The following DPP6 variants were observed in gnomAD, a reference collection of about 807,000 sequenced individuals.
DPP6 encodes A-type potassium channel modulatory protein DPP6.
In DPP6, 69 loss-of-function variants were observed where a neutral mutation model predicts 122.6. The observed-to-expected ratio is 0.56, with a 90% CI of 0.46 to 0.69. DPP6 has a LOEUF of 0.69. DPP6 is among the 30% of genes least tolerant of loss of function. The pLI, the probability that DPP6 is intolerant of heterozygous loss-of-function variation, is 0.00. For synonymous variants in DPP6, 418 were observed against 433.1 expected (o/e 0.97, Z 0.43); for missense variants, 928 against 1,116.9 (o/e 0.83, Z 2.41).
intron 1 of DPP6, among the ~76,000 whole-genome samples, chr7:154,061,488 G>T (rs1458429104): frequency 2.0e-5 from 3 of 147,184 alleles, no homozygotes; most frequent in Admixed American, 6.7e-5. Context: ...GGCCTTGGCA[G>T]CAACTGCCCT....
the DPP6 span, among the ~76,000 whole-genome samples, chr7:153,773,043 T>TA: frequency 6.9e-6 from 1 of 145,134 alleles, no homozygotes; most frequent in Non-Finnish European, 1.5e-5. Context: ...AAGTCTTTGA[T>TA]ATTAATATAA....
chr7:154,750,440 G>C lies in DPP6; in HGVS notation c.884-18977G>C, dbSNP rs541257982. On this transcript the variant is annotated intron_variant, in intron 8 of 25. Transcript: ENST00000377770. Reference sequence around the variant, plus strand: ...GTGTGGAGGTTCCCAGCGGCGGGTAGTGCGGAAAACAGGGAAGGCAGGAAA... The same window carrying C: ...GTGTGGAGGTTCCCAGCGGCGGGTACTGCGGAAAACAGGGAAGGCAGGAAA... Among the ~76,000 whole-genome samples, 273 of 152,360 alleles carry C rather than the reference G, an allele frequency of 1.8e-3. 2 individuals are homozygous for C. Among genetic ancestry groups the C allele is most frequent in the African/African-American group, 6.5e-3 (269 of 41,586 alleles).
intron 1 of DPP6, among the ~76,000 whole-genome samples, chr7:154,289,257 C>A (rs1210737888): frequency 6.6e-6 from 1 of 152,174 alleles, no homozygotes; most frequent in African/African-American, 2.4e-5. Flanking sequence ...GATAAGTCAT[C>A]CGGACCCTGG....
At chr7:154,882,589 G>T (rs1805473136) in intron 21 of DPP6, among the ~76,000 whole-genome samples, 1 of 152,116 alleles carries the variant, frequency 6.6e-6, no homozygotes, top group Non-Finnish European at 1.5e-5. Context: ...GAGCCCAGGG[G>T]AGCAGCAGCC....
chr7:153,843,890 C>T, the DPP6 span, among the ~76,000 whole-genome samples: 158 of 152,242 alleles, frequency 1.0e-3, no homozygotes, highest in East Asian at 4.3e-3. Flanking sequence ...CAGAAATTCT[C>T]GGAAGGGAGT....
At chr7:154,066,026 C>T (rs1404257896) in intron 1 of DPP6, among the ~76,000 whole-genome samples, 6 of 151,332 alleles carry the variant, frequency 4.0e-5, no homozygotes, top group Admixed American at 6.6e-5. Context: ...ATATCAGCCA[C>T]GGCTAGGTTC....
chr7:154,177,723 T>C (rs1488510606), intron 1 of DPP6, among the ~76,000 whole-genome samples: 2 of 152,240 alleles, frequency 1.3e-5, no homozygotes, highest in Non-Finnish European at 2.9e-5. Context: ...TACCCAGGTT[T>C]CTTTGTGATG....
intron 7 of DPP6, among the ~76,000 whole-genome samples, chr7:154,674,076 G>A (rs189195703): frequency 1.8e-4 from 28 of 152,078 alleles, no homozygotes; most frequent in African/African-American, 5.3e-4. Context: ...GGGTTTCACC[G>A]TTTTGGCCAA....
chr7:154,439,280 C>G (rs991502696), intron 1 of DPP6, among the ~76,000 whole-genome samples: 1 of 152,148 alleles, frequency 6.6e-6, no homozygotes, highest in Non-Finnish European at 1.5e-5. Context: ...TCTAAACATG[C>G]TTTAAGACGC....
chr7:154,739,792 G>C (rs1842734065), intron 8 of DPP6, among the ~76,000 whole-genome samples: 1 of 152,210 alleles, frequency 6.6e-6, no homozygotes, highest in South Asian at 2.1e-4. Context: ...GATGAATGCA[G>C]TTCCCAATGC....
At chr7:154,106,625 G>A (rs1252024927) in intron 1 of DPP6, among the ~76,000 whole-genome samples, 9 of 151,072 alleles carry the variant, frequency 6.0e-5, no homozygotes, top group Non-Finnish European at 1.3e-4. Context: ...ATGGGTGGGG[G>A]TGCACGTGGG....
intron 1 of DPP6, among the ~76,000 whole-genome samples, chr7:154,253,121 G>T (rs1372453569): frequency 2.0e-5 from 3 of 152,186 alleles, no homozygotes; most frequent in Non-Finnish European, 4.4e-5. Flanking sequence ...GAGTGACATA[G>T]AGCGATCACA....
intron 16 of DPP6, among the ~76,000 whole-genome samples, chr7:154,840,743 C>A (rs1801460839): frequency 6.6e-6 from 1 of 152,344 alleles, no homozygotes; most frequent in South Asian, 2.1e-4. Flanking sequence ...TACCAAACTT[C>A]ATTTCAATGA....
intron 1 of DPP6, among the ~76,000 whole-genome samples, chr7:154,010,422 G>T (rs947567509): frequency 4.6e-5 from 7 of 152,212 alleles, no homozygotes; most frequent in African/African-American, 7.2e-5. Flanking sequence ...CTGAAATAAT[G>T]GAAGTCAGAG....
intron 8 of DPP6, among the ~76,000 whole-genome samples, chr7:154,730,833 C>A (rs1842303812): frequency 6.6e-6 from 1 of 152,220 alleles, no homozygotes; most frequent in Non-Finnish European, 1.5e-5. Context: ...TTTAAAATAT[C>A]TTTTTTAGTA....
intron 10 of DPP6, among the ~76,000 whole-genome samples, chr7:154,789,024 T>C (rs1016089327): frequency 4.6e-5 from 7 of 152,202 alleles, no homozygotes; most frequent in African/African-American, 1.7e-4. Flanking sequence ...GTGACTTCCC[T>C]TTCCTTTATT....
At chr7:153,986,395 A>G (rs1332457667) in intron 1 of DPP6, among the ~76,000 whole-genome samples, 4 of 152,020 alleles carry the variant, frequency 2.6e-5, no homozygotes, top group Non-Finnish European at 5.9e-5. Flanking sequence ...TCAGGCCCCA[A>G]ATTGGATACA....
intron 1 of DPP6, among the ~76,000 whole-genome samples, chr7:153,986,053 T>G (rs1271872002): frequency 6.6e-6 from 1 of 152,172 alleles, no homozygotes; most frequent in African/African-American, 2.4e-5. Flanking sequence ...TAAGATCAGG[T>G]GCGTTCAGGG....
the DPP6 span, among the ~76,000 whole-genome samples, chr7:153,879,249 G>T: frequency 6.6e-6 from 1 of 152,204 alleles, no homozygotes; most frequent in Non-Finnish European, 1.5e-5. Flanking sequence ...CGTTACCTGG[G>T]TCTGAGTGTT....
Sources: gnomAD v4.1 joint callset for allele counts (sites outside exome capture counted in the v4.1 genomes callset) on GRCh38, gnomAD v4.1.1 for gene constraint, MANE v1.5 for transcripts, NCBI Gene and HGNC (gene_info 2026-07-23, HGNC 2026-07-21) for gene names.